The following AAR2 variants were observed in gnomAD, a reference collection of about 807,000 sequenced individuals.
AAR2 encodes the protein AAR2 splicing factor, also known as protein AAR2 homolog.
Under a neutral mutation model 26.9 loss-of-function variants are expected in AAR2, and 31 were observed. That is an observed-to-expected ratio of 1.15 (90% CI 0.86 to 1.55). The LOEUF (loss-of-function observed/expected upper bound fraction) is 1.55. AAR2 is among the 40% of genes most tolerant of loss of function. The probability of loss-of-function intolerance (pLI) is 0.00; values close to 1 mark genes in which losing one functional copy is unlikely to be tolerated. For missense variants in AAR2, 430 were observed against 491.3 expected, an observed-to-expected ratio of 0.88 and a Z score of 1.18; for synonymous variants, 188 against 196.1, an observed-to-expected ratio of 0.96 and a Z score of 0.34.
intron 3 of AAR2, among the ~76,000 whole-genome samples, chr20:36,251,169 C>A (rs925001819): frequency 1.3e-5 from 2 of 151,334 alleles, no homozygotes; most frequent in African/African-American, 4.9e-5. Flanking sequence ...GTGCTCCAGC[C>A]TAGGTGACAG....
chr20:36,247,808 G>A (rs752430057), intron 3 of AAR2, among the ~76,000 whole-genome samples: 1 of 152,072 alleles, frequency 6.6e-6, no homozygotes, highest in Non-Finnish European at 1.5e-5. Flanking sequence ...AGCAGAGGTT[G>A]CAGTGATTCG....
In AAR2 at chr20:36,256,897, G is replaced by T. The variant is rs2064826402; in HGVS notation, c.*1152G>T. 1 of 152,668 alleles carries T rather than the reference G, an allele frequency of 6.6e-6. No homozygotes were observed. The allele number at this position is 152,668 out of a possible 1,614,324, so 9.5% of individuals were successfully genotyped here. A position where few individuals can be genotyped will look rare whatever the true frequency, so the allele number is the denominator to read the frequency against. On this transcript the variant is annotated 3_prime_UTR_variant, in exon 4 of 4. Coordinates refer to ENST00000320849, the MANE Select transcript of AAR2 (RefSeq NM_001271874.2). Reference sequence around the variant, plus strand: ...TGTTTCCTTGGAGATGTTTTTCCAAGAGCATAATGTACATTAAAGTCTTCG... The same window carrying T: ...TGTTTCCTTGGAGATGTTTTTCCAATAGCATAATGTACATTAAAGTCTTCG...
At chr20:36,253,074 C>T (rs2064792608) in intron 3 of AAR2, among the ~76,000 whole-genome samples, 1 of 151,980 alleles carries the variant, frequency 6.6e-6, no homozygotes, top group Non-Finnish European at 1.5e-5. Context: ...TACCGCCCCC[C>T]TTCCCCCCCA....
At chr20:36,250,392 C>T (rs1158824984) in intron 3 of AAR2, among the ~76,000 whole-genome samples, 9 of 152,104 alleles carry the variant, frequency 5.9e-5, no homozygotes, top group African/African-American at 9.7e-5. Flanking sequence ...GTCCCAGTGA[C>T]GTTAAAAAGT....
rs779633484 is a variant in AAR2 at position 36,240,387 on chromosome 20, C to T, written c.519C>T (p.Arg173=). 22 of 1,614,230 alleles carry T rather than the reference C, an allele frequency of 1.4e-5. No individual in the cohort carries two copies. The highest frequency in any genetic ancestry group is 7.7e-5 in the South Asian group (7 of 91,082). Residue 173 remains arginine (R), a synonymous_variant, in exon 2 of 4, where the codon CGC becomes CGT. Coordinates refer to ENST00000320849, the MANE Select transcript of AAR2 (RefSeq NM_001271874.2). ...TCTCCATGAAGCACACCAAGGACCG[C>T]GTGGGGCAGAATCTACCCCGCTGTG... ...PVLSMKHTKD[R]VGQNLPRCGI... is the part of the protein sequence containing the mutation.
In AAR2 at chr20:36,255,873, C is replaced by G; in HGVS notation, c.*128C>G. ...CTCTCCAGGTCCTGCAAAGATGGAG[C>G]CAGAATTCCCTTTTTCACTGATAAA... On this transcript the variant is annotated 3_prime_UTR_variant, in exon 4 of 4. Transcript: ENST00000320849. The G allele has an allele frequency of 2.6e-6, 3 of 1,158,838 alleles. No individual in the cohort carries two copies. The highest frequency in any genetic ancestry group is 3.6e-6 in the Non-Finnish European group (3 of 837,212). 71.8% of individuals were successfully genotyped at this position (1,158,838 alleles called of 1,614,324 possible). A position where few individuals can be genotyped will look rare whatever the true frequency, so the allele number is the denominator to read the frequency against.
Position 36,255,776 on chromosome 20 carries a change from C to T in AAR2, c.*31C>T. On this transcript the variant is annotated 3_prime_UTR_variant, in exon 4 of 4. Coordinates refer to ENST00000320849, the MANE Select transcript of AAR2 (RefSeq NM_001271874.2). ...GGAGCGCTCTCAGCTGCGAGGGGCC[C>T]CTTCCCACAGGGCTGCAGTCCTGGC... is the stretch of plus-strand genomic sequence containing the variant. 3.7e-6 allele frequency: 6 copies of T among 1,612,862 alleles called. No homozygotes were observed. Among genetic ancestry groups the T allele is most frequent in the Non-Finnish European group, 5.1e-6 (6 of 1,179,204 alleles).
At chr20:36,238,939 T>G (rs2064647674) in intron 1 of AAR2, among the ~76,000 whole-genome samples, 1 of 152,106 alleles carries the variant, frequency 6.6e-6, no homozygotes, top group African/African-American at 2.4e-5. Context: ...TTTGTTAAAT[T>G]AGTCAGGTAG....
intron 3 of AAR2, among the ~76,000 whole-genome samples, chr20:36,245,980 G>A (rs538316729): frequency 6.6e-6 from 1 of 152,268 alleles, no homozygotes; most frequent in South Asian, 2.1e-4. Context: ...GATTATGATC[G>A]TGCCACTGCA....
At chr20:36,239,585 T>C (rs1406293581) in intron 1 of AAR2, among the ~76,000 whole-genome samples, 1 of 152,152 alleles carries the variant, frequency 6.6e-6, no homozygotes, top group Non-Finnish European at 1.5e-5. Flanking sequence ...CACTTTTCTT[T>C]CACTGGTATC....
chr20:36,238,713 G>C (rs559688728), intron 1 of AAR2, among the ~76,000 whole-genome samples: 4 of 147,496 alleles, frequency 2.7e-5, no homozygotes, highest in Non-Finnish European at 5.9e-5. Flanking sequence ...CCGAGATCAC[G>C]CCACTGCACT....
At chr20:36,254,827 C>A (rs1363407450) in intron 3 of AAR2, among the ~76,000 whole-genome samples, 1 of 152,170 alleles carries the variant, frequency 6.6e-6, no homozygotes, top group Non-Finnish European at 1.5e-5. Context: ...CACCTAACGT[C>A]CCTAACATTG....
At chr20:36,244,607 A>G in intron 2 of AAR2, 90 bp from the exon 3 acceptor site, 1 of 1,250,820 alleles carries the variant, frequency 8.0e-7, no homozygotes, top group Non-Finnish European at 1.2e-6. Context: ...GCTGAGGTCC[A>G]GTGGAATTCA....
chr20:36,255,974 G>A lies in AAR2; in HGVS notation c.*229G>A. On this transcript the variant is annotated 3_prime_UTR_variant, in exon 4 of 4. Transcript: ENST00000320849. Reference sequence around the variant, plus strand: ...TGGGTTCCCCATCAGCCAGGCCTTGGTGCTAACCTGGCTGAATTTCACACA... The same window carrying A: ...TGGGTTCCCCATCAGCCAGGCCTTGATGCTAACCTGGCTGAATTTCACACA... 1.8e-6 allele frequency: 1 copy of A among 563,656 alleles called. No individual in the cohort carries two copies. The highest frequency in any genetic ancestry group is 3.3e-5 in the Admixed American group (1 of 30,572). The allele number at this position is 563,656 out of a possible 1,614,324, so 34.9% of individuals were successfully genotyped here.
rs375291820 is a variant in AAR2, at chr20:36,240,137, G to T, written c.269G>T (p.Arg90Leu). 28 of 1,614,068 alleles carry T rather than the reference G, an allele frequency of 1.7e-5. No individual in the cohort carries two copies. The highest frequency in any genetic ancestry group is 2.4e-5 in the Non-Finnish European group (28 of 1,180,046). ...CACCAGCGGGGGCTGACAGTGCTGC[G>T]CTGGAGCACACTCAGGGAAGAGGTA... The part of the protein sequence containing the change: ...SLHQRGLTVL[R>L]WSTLREEVDL... Residue 90 changes from arginine to leucine, a missense_variant, in exon 2 of 4, where the codon CGC (arginine) becomes CTC (leucine). Transcript: ENST00000320849.
chr20:36,245,077 C>A, intron 3 of AAR2, 151 bp downstream of exon 3: 1 of 745,222 alleles, frequency 1.3e-6, no homozygotes, highest in Non-Finnish European at 2.2e-6. Flanking sequence ...CTCTCTCTTA[C>A]TCAATTGTAA....
intron 3 of AAR2, among the ~76,000 whole-genome samples, chr20:36,252,716 T>C (rs1339264925): frequency 1.3e-5 from 2 of 152,156 alleles, no homozygotes; most frequent in African/African-American, 4.8e-5. Context: ...TGGAGAGTCA[T>C]CCAATTCCCA....
chr20:36,250,142 T>C (rs2064769767), intron 3 of AAR2, among the ~76,000 whole-genome samples: 1 of 152,236 alleles, frequency 6.6e-6, no homozygotes, highest in Non-Finnish European at 1.5e-5. Flanking sequence ...CTAACTGAAC[T>C]CAATTTATTT....
In AAR2 at chr20:36,240,399, T is replaced by C. The variant is rs138517690; in HGVS notation, c.531T>C (p.Asn177=). 1.2e-6 allele frequency: 2 copies of C among 1,614,072 alleles called. No homozygotes were observed. The highest frequency in any genetic ancestry group is 1.7e-6 in the Non-Finnish European group (2 of 1,180,044). Residue 177 remains asparagine (N), a synonymous_variant, in exon 2 of 4, where the codon AAT becomes AAC. Transcript: ENST00000320849. ...MKHTKDRVGQ[N]LPRCGIECKS... ...ACACCAAGGACCGCGTGGGGCAGAA[T>C]CTACCCCGCTGTGGCATTGAGTGCA...
Sources: gnomAD v4.1 joint callset for allele counts (sites outside exome capture counted in the v4.1 genomes callset) on GRCh38, gnomAD v4.1.1 for gene constraint, MANE v1.5 for transcripts, NCBI Gene and HGNC (gene_info 2026-07-23, HGNC 2026-07-21) for gene names.